ZNF341: variants seen among roughly 807,000 people sequenced by gnomAD.
ZNF341 encodes the protein zinc finger protein 341.
Under a neutral mutation model 87.7 loss-of-function variants are expected in ZNF341, and 52 were observed. The observed-to-expected ratio is 0.59, with a 90% CI of 0.47 to 0.75. The LOEUF (loss-of-function observed/expected upper bound fraction) is 0.75. ZNF341 is among the 30% of genes least tolerant of loss of function. The probability of loss-of-function intolerance (pLI) is 0.00; values close to 1 mark genes in which losing one functional copy is unlikely to be tolerated. For missense variants in ZNF341, 977 were observed against 1,145.9 expected, an observed-to-expected ratio of 0.85 and a Z score of 2.13; for synonymous variants, 459 against 472.7, an observed-to-expected ratio of 0.97 and a Z score of 0.38.
chr20:33,758,108 T>C (rs2019218240), intron 6 of ZNF341, among the ~76,000 whole-genome samples: 1 of 152,206 alleles, frequency 6.6e-6, no homozygotes, highest in African/African-American at 2.4e-5. Context: ...TCTCTTGGTC[T>C]ATGATTCCTT....
chr20:33,767,384 C>CTTT (rs11480143), intron 9 of ZNF341, among the ~76,000 whole-genome samples: 4 of 144,274 alleles, frequency 2.8e-5, no homozygotes, highest in Non-Finnish European at 4.5e-5. Flanking sequence ...GTGATCACTT[C>CTTT]TTTTTTTTTT....
At position 33,753,307 on chromosome 20, in the gene ZNF341, C is replaced by A; in HGVS notation, c.625C>A (p.Arg209Ser). The change falls in exon 5 of 15, where the codon CGT becomes AGT. Residue 209 changes from arginine (R) to serine (S), a missense_variant. Arg to Ser is a moderately radical substitution (Grantham distance 110, BLOSUM62 -1). This residue lies in a region of ZNF341 where 515 missense variants were observed against 598.2 expected (regional missense o/e 0.86). Coordinates refer to ENST00000375200, the MANE Select transcript of ZNF341 (RefSeq NM_001282933.2). ...ACCCCAGAGCCTGGGCCCCCCTGGG[C>A]GTCCCAACCCTGGTGGGAACGGTGT... ...PPPQSLGPPG[R>S]PNPGGNGVVE... 6.2e-7 allele frequency: 1 copy of A among 1,611,852 alleles called. No individual in the cohort carries two copies. The highest frequency in any genetic ancestry group is 8.5e-7 in the Non-Finnish European group (1 of 1,179,116).
In ZNF341 at chr20:33,757,344, G is replaced by T. The variant is rs779483755; in HGVS notation, c.937+1G>T. On this transcript the variant is annotated splice_donor_variant, in intron 6 of 14. Transcript: ENST00000375200. LOFTEE classifies it high-confidence loss of function. ...AAAGGTGCCAGGGGACTCCCGGAAG[G>T]TGGGCCCCCAGCCTGCCATGGGCAT... The T allele has an allele frequency of 6.8e-7, 1 of 1,478,606 alleles. No individual in the cohort carries two copies. The highest frequency in any genetic ancestry group is 9.0e-7 in the Non-Finnish European group (1 of 1,109,554). 91.6% of individuals were successfully genotyped at this position (1,478,606 alleles called of 1,614,324 possible). A position where few individuals can be genotyped will look rare whatever the true frequency, so the allele number is the denominator to read the frequency against.
chr20:33,758,468 G>A (rs17090699), intron 6 of ZNF341, among the ~76,000 whole-genome samples: 5 of 152,168 alleles, frequency 3.3e-5, no homozygotes, highest in Non-Finnish European at 5.9e-5. Flanking sequence ...GGCAAAGAGC[G>A]TGGATTTGAT....
intron 9 of ZNF341, 92 bp from the exon 10 acceptor site, chr20:33,769,992 C>T (rs573468777): frequency 2.5e-6 from 2 of 788,782 alleles, no homozygotes; most frequent in East Asian, 2.6e-5. Context: ...AGATCATTTA[C>T]CATCAGTGTC....
At chr20:33,785,490 A>C (rs1396432335) in intron 12 of ZNF341, among the ~76,000 whole-genome samples, 1 of 151,898 alleles carries the variant, frequency 6.6e-6, no homozygotes, top group Non-Finnish European at 1.5e-5. Context: ...GGCGCCCACC[A>C]CATGCCTGGC....
rs766868458 is a variant in ZNF341 at position 33,770,210 on chromosome 20, T to A, written c.1540T>A (p.Ser514Thr). The A allele has an allele frequency of 1.2e-5, 20 of 1,614,120 alleles. No homozygotes were observed. The highest frequency in any genetic ancestry group is 1.6e-4 in the Middle Eastern group (1 of 6,062). The change falls in exon 10 of 15, where the codon TCG becomes ACG. Residue 514 changes from serine to threonine, a missense_variant. Transcript: ENST00000375200. ...CCACCTCTGCGGCAAGGACTTCCCC[T>A]CGCTGTACGACCTGGGCGTGCACCA... ...RCHLCGKDFP[S>T]LYDLGVHQYS...
In ZNF341 at chr20:33,753,357, G is replaced by A. The variant is rs765017980; in HGVS notation, c.675G>A (p.Ala225=). The A allele has an allele frequency of 3.0e-5, 48 of 1,608,406 alleles. No homozygotes were observed. The Middle Eastern group carries it at 4.9e-4, about 17-fold the overall frequency. Residue 225 remains alanine, a synonymous_variant, in exon 5 of 15, where the codon GCG becomes GCA. Coordinates refer to ENST00000375200, the MANE Select transcript of ZNF341 (RefSeq NM_001282933.2). ...NGVVEVYSAA[A]PLAGSGTVEI... ...TGGTGGAGGTGTACAGTGCTGCTGC[G>A]CCCCTGGCTGGGAGTGGAACGGTGG...
intron 8 of ZNF341, 85 bp downstream of exon 8, chr20:33,762,140 CAA>C: frequency 3.0e-6 from 4 of 1,332,906 alleles, no homozygotes; most frequent in Non-Finnish European, 3.1e-6. Context: ...TGACCTTGGG[CAA>C]ACCCCATGAC....
rs150293034 is a variant in ZNF341, at chr20:33,749,833, A to G, written c.489+761A>G. Among the ~76,000 whole-genome samples, 1,341 of 151,706 alleles carry G rather than the reference A, an allele frequency of 8.8e-3. 18 individuals carry two copies. Among genetic ancestry groups the G allele is most frequent in the Non-Finnish European group, 0.011 (717 of 67,900 alleles). ...AGTGGTGCGATCTTGGCTCCCTGCAACTTCCACCTCCCAGGTCCAAGCAAT... is the reference window on the plus strand; with the variant it reads ...AGTGGTGCGATCTTGGCTCCCTGCAGCTTCCACCTCCCAGGTCCAAGCAAT... On this transcript the variant is annotated intron_variant, in intron 4 of 14. Transcript: ENST00000375200.
chr20:33,751,002 TG>T (rs1194924425), intron 4 of ZNF341, among the ~76,000 whole-genome samples: 1 of 151,716 alleles, frequency 6.6e-6, no homozygotes, highest in East Asian at 1.9e-4. Flanking sequence ...CTTGAACTCC[TG>T]GGCTCAAGCA....
intron 12 of ZNF341, chr20:33,787,788 G>A (rs1011489315): frequency 6.6e-6 from 1 of 152,288 alleles, no homozygotes; most frequent in Admixed American, 6.5e-5. Flanking sequence ...CTGTGAAACA[G>A]GGATGATGGG....
chr20:33,778,626 A>G (rs1242309006), intron 10 of ZNF341, among the ~76,000 whole-genome samples: 2 of 152,036 alleles, frequency 1.3e-5, no homozygotes, highest in Non-Finnish European at 2.9e-5. Flanking sequence ...GTGGTTTCAG[A>G]GTGCGCCTGG....
rs541763761 is a variant in ZNF341, at chr20:33,769,114, C to T, written c.1414-970C>T. On this transcript the variant is annotated intron_variant, in intron 9 of 14. Transcript: ENST00000375200. ...TTCTCTATCTGACAAAAATCAATTACGTTGGATTAGTTTTTTACAAATTAA... is the reference window on the plus strand; with the variant it reads ...TTCTCTATCTGACAAAAATCAATTATGTTGGATTAGTTTTTTACAAATTAA... Among the ~76,000 whole-genome samples the T allele has an allele frequency of 9.9e-5, 15 of 152,216 alleles. No homozygotes were observed. The South Asian group carries it at 1.0e-3, about 11-fold the overall frequency.
At chr20:33,733,740 C>G (rs575937868) in intron 1 of ZNF341, among the ~76,000 whole-genome samples, 12 of 152,198 alleles carry the variant, frequency 7.9e-5, no homozygotes, top group Non-Finnish European at 1.3e-4. Flanking sequence ...CTGTCTCCAT[C>G]TAGTGGGGTT....
chr20:33,788,508 C>A (rs926307474), intron 12 of ZNF341: 11 of 328,380 alleles, frequency 3.3e-5, no homozygotes, highest in African/African-American at 2.1e-4. Context: ...CTGCCCTCAC[C>A]TTCTGCCTTG....
At chr20:33,775,606 A>C (rs981136763) in intron 10 of ZNF341, among the ~76,000 whole-genome samples, 1 of 151,878 alleles carries the variant, frequency 6.6e-6, no homozygotes, top group African/African-American at 2.4e-5. Flanking sequence ...GTGAACAGGA[A>C]TTCTCCATCC....
chr20:33,768,134 T>TC (rs1458908685), intron 9 of ZNF341, among the ~76,000 whole-genome samples: 2 of 151,132 alleles, frequency 1.3e-5, no homozygotes, highest in Non-Finnish European at 1.5e-5. Flanking sequence ...GTGTTTTTTT[T>TC]TTCCCCCCGA....
At chr20:33,757,618 G>A (rs1431946496) in intron 6 of ZNF341, among the ~76,000 whole-genome samples, 1 of 152,206 alleles carries the variant, frequency 6.6e-6, no homozygotes, top group Admixed American at 6.5e-5. Flanking sequence ...CATGGTATCA[G>A]TTATCCTGGT....
Sources: gnomAD v4.1 joint callset for allele counts (sites outside exome capture counted in the v4.1 genomes callset) on GRCh38, gnomAD v4.1.1 for gene constraint, gnomAD v4.1.1 regional missense constraint, MANE v1.5 for transcripts, NCBI Gene and HGNC (gene_info 2026-07-23, HGNC 2026-07-21) for gene names.